The following BLTP1 variants were observed in gnomAD, a reference collection of about 807,000 sequenced individuals.
BLTP1 encodes fragile site-associated protein.
chr4:122,315,832 A>C, the BLTP1 span: 5 of 720,520 alleles, frequency 6.9e-6, no homozygotes, highest in Non-Finnish European at 9.3e-6. Flanking sequence ...TCTACATTTC[A>C]TAATACTGTC....
At chr4:122,356,558 A>G in the BLTP1 span, 4 of 1,554,450 alleles carry the variant, frequency 2.6e-6, no homozygotes, top group Non-Finnish European at 3.5e-6. Flanking sequence ...ACATAGACCT[A>G]TATAAATCCT....
chr4:122,246,353 T>C, the BLTP1 span: 1 of 1,391,954 alleles, frequency 7.2e-7, no homozygotes, highest in Non-Finnish European at 9.7e-7. Flanking sequence ...ATTTTGATGG[T>C]GTTTGTCCTT....
the BLTP1 span, among the ~76,000 whole-genome samples, chr4:122,165,645 C>T: frequency 1.6e-5 from 2 of 128,508 alleles, 1 homozygote; most frequent in East Asian, 6.2e-4. Context: ...GAGGAATCGC[C>T]ACACTGACTT....
At chr4:122,260,522 G>C in the BLTP1 span, among the ~76,000 whole-genome samples, 1 of 152,278 alleles carries the variant, frequency 6.6e-6, no homozygotes, top group Non-Finnish European at 1.5e-5. Context: ...AAATTAAAAT[G>C]AGATTTCCAT....
At chr4:122,286,666 T>G in the BLTP1 span, 1 of 1,614,024 alleles carries the variant, frequency 6.2e-7, no homozygotes, top group South Asian at 1.1e-5. Context: ...TGTTACCATG[T>G]CAGGGAAATA....
chr4:122,261,097 T>C, the BLTP1 span, among the ~76,000 whole-genome samples: 1 of 152,228 alleles, frequency 6.6e-6, no homozygotes, highest in Admixed American at 6.5e-5. Flanking sequence ...TTACTTTCTA[T>C]TGAATAGTCT....
chr4:122,304,133 ACAT>A, the BLTP1 span, among the ~76,000 whole-genome samples: 1 of 152,178 alleles, frequency 6.6e-6, no homozygotes, highest in Non-Finnish European at 1.5e-5. Context: ...GCAGCCATCA[ACAT>A]CAAGGCAAGA....
chr4:122,200,316 A>G, the BLTP1 span: 3 of 978,606 alleles, frequency 3.1e-6, no homozygotes, highest in Non-Finnish European at 3.6e-6. Context: ...GGTGACTCAC[A>G]CCTGTAATCC....
the BLTP1 span, chr4:122,247,869 C>G: frequency 4.1e-6 from 4 of 977,394 alleles, no homozygotes; most frequent in Non-Finnish European, 4.9e-6. Flanking sequence ...ATTTTTGATT[C>G]TTATTTAGCA....
At chr4:122,293,045 C>A in the BLTP1 span, 1 of 930,900 alleles carries the variant, frequency 1.1e-6, no homozygotes, top group Non-Finnish European at 1.3e-6. Flanking sequence ...CATGCTAATA[C>A]TTTTCAGAAA....
chr4:122,193,156 C>G, the BLTP1 span, among the ~76,000 whole-genome samples: 1 of 152,108 alleles, frequency 6.6e-6, no homozygotes, highest in African/African-American at 2.4e-5. Flanking sequence ...AACTTAATTA[C>G]CCTTCTTAAG....
At chr4:122,217,353 A>G in the BLTP1 span, among the ~76,000 whole-genome samples, 3 of 151,462 alleles carry the variant, frequency 2.0e-5, no homozygotes, top group African/African-American at 2.4e-5. Flanking sequence ...TTTTGGTTCC[A>G]TATGAATTTT....
chr4:122,336,817 G>A, the BLTP1 span: 1 of 1,497,418 alleles, frequency 6.7e-7, no homozygotes, highest in Non-Finnish European at 9.0e-7. Context: ...TAAACAATAA[G>A]GATCTTTTAA....
At chr4:122,339,439 A>G in the BLTP1 span, 9 of 1,499,344 alleles carry the variant, frequency 6.0e-6, no homozygotes, top group African/African-American at 1.4e-5. Flanking sequence ...TTCCTCTAGT[A>G]TAAAGCCAAA....
At chr4:122,254,744 A>G in the BLTP1 span, 1 of 1,426,208 alleles carries the variant, frequency 7.0e-7, no homozygotes, top group Non-Finnish European at 9.2e-7. Context: ...TAGGTATGGG[A>G]GATTGTTTGG....
the BLTP1 span, chr4:122,256,024 A>G: frequency 6.1e-6 from 6 of 979,238 alleles, no homozygotes; most frequent in Non-Finnish European, 7.3e-6. Flanking sequence ...AGAATATACA[A>G]TCACACAAAA....
At chr4:122,229,566 T>C in the BLTP1 span, 2 of 268,472 alleles carry the variant, frequency 7.4e-6, no homozygotes, top group Non-Finnish European at 5.7e-6. Context: ...ATTCATACAT[T>C]TATATTTTCT....
the BLTP1 span, chr4:122,179,710 G>A: frequency 3.1e-6 from 1 of 318,056 alleles, no homozygotes; most frequent in Non-Finnish European, 4.5e-6. Context: ...ACAGAAATGG[G>A]CGTGCACATA....
chr4:122,229,133 C>T, the BLTP1 span: 794 of 1,600,838 alleles, frequency 5.0e-4, no homozygotes, highest in African/African-American at 5.2e-3. Flanking sequence ...GAGTTGTATT[C>T]CTGGGCCTTG....
Sources: allele counts gnomAD v4.1 joint callset (sites outside exome capture counted in the v4.1 genomes callset), GRCh38; gene constraint gnomAD v4.1.1; transcripts MANE v1.5; gene names NCBI Gene and HGNC (gene_info 2026-07-23, HGNC 2026-07-21).